ANXA10: variants seen among roughly 807,000 people sequenced by gnomAD.
ANXA10 encodes the protein annexin 14.
A neutral mutation model predicts 53.5 loss-of-function variants in ANXA10; 49 were observed. That is an observed-to-expected ratio of 0.92 (90% CI 0.73 to 1.16). The LOEUF (loss-of-function observed/expected upper bound fraction) is 1.16, where lower values mean the gene tolerates loss of function less well. Ranked by LOEUF, ANXA10 falls within the 50% of genes most tolerant of loss-of-function variation. ANXA10 has a pLI of 0.00. For synonymous variants in ANXA10, 131 were observed against 128.9 expected, an observed-to-expected ratio of 1.02 and a Z score of -0.11; for missense variants, 393 against 394.4, an observed-to-expected ratio of 1.00 and a Z score of 0.03.
intron 1 of ANXA10, among the ~76,000 whole-genome samples, chr4:168,120,839 A>AT (rs1206161386): frequency 2.0e-5 from 3 of 152,060 alleles, no homozygotes; most frequent in Non-Finnish European, 4.4e-5. Flanking sequence ...AAATCAGTAC[A>AT]TTTTTTCAAC....
intron 11 of ANXA10, among the ~76,000 whole-genome samples, chr4:168,187,007 T>G (rs528795400): frequency 1.5e-4 from 23 of 152,180 alleles, no homozygotes; most frequent in African/African-American, 5.5e-4. Context: ...TTGAGACATA[T>G]TAATTTGTTC....
chr4:168,161,492 G>A (rs928273055), intron 3 of ANXA10, among the ~76,000 whole-genome samples: 1 of 152,136 alleles, frequency 6.6e-6, no homozygotes, highest in Non-Finnish European at 1.5e-5. Flanking sequence ...GTTGGGTAGT[G>A]TGATGCGTCC....
At chr4:168,169,200 T>C (rs1731938878) in intron 6 of ANXA10, among the ~76,000 whole-genome samples, 1 of 152,206 alleles carries the variant, frequency 6.6e-6, no homozygotes, top group Non-Finnish European at 1.5e-5. Flanking sequence ...AAGATGCCAA[T>C]TGAATATTTT....
chr4:168,126,501 C>CT (rs1187671811), intron 1 of ANXA10, among the ~76,000 whole-genome samples: 1 of 152,180 alleles, frequency 6.6e-6, no homozygotes, highest in African/African-American at 2.4e-5. Flanking sequence ...ACCTCCAACT[C>CT]TATCTTTTGC....
chr4:168,175,905 A>G (rs1420746742), intron 6 of ANXA10, among the ~76,000 whole-genome samples: 1 of 152,218 alleles, frequency 6.6e-6, no homozygotes, highest in Non-Finnish European at 1.5e-5. Context: ...ATATGCCTCT[A>G]GCTTTTTGTT....
chr4:168,096,387 A>T (rs1166945011), intron 1 of ANXA10, among the ~76,000 whole-genome samples: 1 of 152,218 alleles, frequency 6.6e-6, no homozygotes, highest in Non-Finnish European at 1.5e-5. Context: ...AAAGTTTTGA[A>T]TCATGCTGTT....
Position 168,124,725 on chromosome 4 carries a change from A to T in ANXA10, c.19-3359A>T, listed in dbSNP as rs570293777. Among the ~76,000 whole-genome samples, 9 of 152,294 alleles carry T rather than the reference A, an allele frequency of 5.9e-5. No individual in the cohort carries two copies. The South Asian group carries it at 1.7e-3, about 28-fold the overall frequency. On this transcript the variant is annotated intron_variant, in intron 1 of 11. Transcript: ENST00000359299. ...TTCATAAGCCTAGATGCTCCCAAGG[A>T]TGTTTCTTTCTTCTGAAAACCATGT...
intron 2 of ANXA10, among the ~76,000 whole-genome samples, chr4:168,138,215 C>A (rs567649014): frequency 6.6e-6 from 1 of 152,174 alleles, no homozygotes; most frequent in African/African-American, 2.4e-5. Flanking sequence ...CCCACCTCGA[C>A]CCCCCAAAGT....
chr4:168,101,430 TTGGGAACAC>T (rs1730637501), intron 1 of ANXA10, among the ~76,000 whole-genome samples: 1 of 149,590 alleles, frequency 6.7e-6, no homozygotes, highest in South Asian at 2.2e-4. Context: ...CTAGTGGCCA[TTGGGAACAC>T]TTTTAGGCTT....
intron 1 of ANXA10, among the ~76,000 whole-genome samples, chr4:168,102,988 A>T (rs542431937): frequency 3.8e-4 from 58 of 152,114 alleles, no homozygotes; most frequent in African/African-American, 1.3e-3. Context: ...CGTCATTGTG[A>T]ATGTGTTTGT....
At position 168,177,778 on chromosome 4, in the gene ANXA10, T is replaced by G. The variant is rs1732159481; in HGVS notation, c.519T>G (p.Ala173=). 1 of 1,614,084 alleles carries G rather than the reference T, an allele frequency of 6.2e-7. No individual in the cohort carries two copies. The highest frequency in any genetic ancestry group is 1.1e-5 in the South Asian group (1 of 91,092). The change falls in exon 7 of 12, where the codon GCT becomes GCG. Residue 173 remains alanine, a synonymous_variant. Transcript: ENST00000359299. ...REEGYTDPAM[A]AQDAMVLWEA... The stretch of plus-strand genomic sequence containing the variant: ...AAGGATATACAGACCCTGCGATGGC[T>G]GCTCAGGATGCAATGGTAACTAGAA...
chr4:168,115,024 C>A (rs536433630), intron 1 of ANXA10, among the ~76,000 whole-genome samples: 13 of 152,152 alleles, frequency 8.5e-5, no homozygotes, highest in South Asian at 2.1e-4. Flanking sequence ...GTAGCTGGGA[C>A]CACAAGCATA....
At chr4:168,103,652 A>G (rs1448202960) in intron 1 of ANXA10, among the ~76,000 whole-genome samples, 4 of 151,922 alleles carry the variant, frequency 2.6e-5, no homozygotes, top group Non-Finnish European at 5.9e-5. Flanking sequence ...GGTATTCTGC[A>G]TTTCCACAAA....
intron 3 of ANXA10, among the ~76,000 whole-genome samples, chr4:168,140,933 T>G (rs1731315962): frequency 6.6e-6 from 1 of 152,246 alleles, no homozygotes; most frequent in African/African-American, 2.4e-5. Context: ...AAATGCCATT[T>G]TTAAGTAACT....
At chr4:168,154,972 T>C (rs1284249508) in intron 3 of ANXA10, among the ~76,000 whole-genome samples, 2 of 152,276 alleles carry the variant, frequency 1.3e-5, no homozygotes, top group Admixed American at 6.5e-5. Context: ...TAGGGCCTCA[T>C]GGTATACCCT....
At chr4:168,186,091 A>C (rs2149483124) in intron 11 of ANXA10, among the ~76,000 whole-genome samples, 1 of 152,374 alleles carries the variant, frequency 6.6e-6, no homozygotes, top group Admixed American at 6.5e-5. Flanking sequence ...TATTATAATT[A>C]ATCACAACCG....
intron 3 of ANXA10, 96 bp from the exon 4 acceptor site, chr4:168,162,432 A>G (rs1731801490): frequency 2.4e-6 from 2 of 832,844 alleles, no homozygotes; most frequent in Non-Finnish European, 4.0e-6. Context: ...ATTAAATGAC[A>G]TGGAAAAGAA....
intron 1 of ANXA10, among the ~76,000 whole-genome samples, chr4:168,106,601 G>T (rs974154722): frequency 3.9e-5 from 6 of 152,068 alleles, no homozygotes; most frequent in Non-Finnish European, 8.8e-5. Flanking sequence ...ACTTTACAAG[G>T]TGTGAAGTAG....
At chr4:168,096,794 G>T (rs1730547639) in intron 1 of ANXA10, among the ~76,000 whole-genome samples, 1 of 151,572 alleles carries the variant, frequency 6.6e-6, no homozygotes. Flanking sequence ...ATTATTCACA[G>T]TACCAGTGCC....
Sources: allele counts gnomAD v4.1 joint callset (sites outside exome capture counted in the v4.1 genomes callset), GRCh38; gene constraint gnomAD v4.1.1; transcripts MANE v1.5; gene names NCBI Gene and HGNC (gene_info 2026-07-23, HGNC 2026-07-21).